Variants in CTNNA2 observed in about 807,000 individuals in gnomAD.
CTNNA2 encodes the protein catenin alpha 2.
Under a neutral mutation model 101.0 loss-of-function variants are expected in CTNNA2, and 42 were observed. The observed-to-expected ratio is 0.42, with a 90% CI of 0.32 to 0.54. CTNNA2 has a LOEUF of 0.54. Ranked by LOEUF, CTNNA2 falls within the 20% of genes least tolerant of loss-of-function variation. The pLI, the probability that CTNNA2 is intolerant of heterozygous loss-of-function variation, is 0.14. For synonymous variants in CTNNA2, 450 were observed against 456.4 expected (o/e 0.99, Z 0.18); for missense variants, 871 against 1,223.1 (o/e 0.71, Z 4.29).
In CTNNA2 at chr2:80,555,890, AC is replaced by A; in HGVS notation, c.1739del (p.Thr580LysfsTer2). 1 of 1,543,276 alleles carries A rather than the reference AC, an allele frequency of 6.5e-7. No individual in the cohort carries two copies. Among genetic ancestry groups the A allele is most frequent in the Non-Finnish European group, 8.7e-7 (1 of 1,142,924 alleles). ...GGAAGCTACAAAATTGCTTTCTGAA[AC>A]AGGTAAGCATGGGTATTGGGTCTGG... ...VLEATKLLSETVMPRFAEQVE... is the reference protein window; with the variant it reads ...VLEATKLLSEXVMPRFAEQVE... On this transcript the variant is annotated frameshift_variant and splice_region_variant, in exon 12 of 19. Coordinates refer to ENST00000402739, the MANE Select transcript of CTNNA2 (RefSeq NM_001282597.3). LOFTEE classifies it high-confidence loss of function.
intron 7 of CTNNA2, among the ~76,000 whole-genome samples, chr2:80,353,236 TG>T (rs982646413): frequency 2.6e-5 from 4 of 151,966 alleles, no homozygotes; most frequent in Non-Finnish European, 1.5e-5. Flanking sequence ...AAGTAGGTAC[TG>T]GGGGTAGGGA....
chr2:79,413,285 A>C (rs762855199), intron 4 of CTNNA2, among the ~76,000 whole-genome samples: 63 of 152,060 alleles, frequency 4.1e-4, no homozygotes, highest in Non-Finnish European at 8.2e-4. Context: ...TTTAGAGTCT[A>C]TATACAGTGA....
intron 7 of CTNNA2, among the ~76,000 whole-genome samples, chr2:80,102,023 T>G (rs1558810170): frequency 6.6e-6 from 1 of 152,168 alleles, no homozygotes; most frequent in Admixed American, 6.5e-5. Context: ...TGTGGTTATT[T>G]TATTCATTTC....
chr2:79,900,038 A>G (rs545042138), intron 6 of CTNNA2, among the ~76,000 whole-genome samples: 237 of 152,332 alleles, frequency 1.6e-3, no homozygotes, highest in African/African-American at 5.5e-3. Context: ...TTTGATTTAG[A>G]CACCTCGGTT....
intron 7 of CTNNA2, among the ~76,000 whole-genome samples, chr2:80,245,993 A>G (rs1405257493): frequency 6.6e-6 from 1 of 151,668 alleles, no homozygotes; most frequent in Non-Finnish European, 1.5e-5. Flanking sequence ...ACGGGGTGTC[A>G]CCGTGTTAGC....
intron 7 of CTNNA2, among the ~76,000 whole-genome samples, chr2:80,221,856 T>C (rs1708595763): frequency 6.6e-6 from 1 of 152,228 alleles, no homozygotes; most frequent in African/African-American, 2.4e-5. Flanking sequence ...AGGATGCTTT[T>C]TATAGGTTTT....
chr2:79,822,183 C>A (rs75649249), intron 3 of CTNNA2, among the ~76,000 whole-genome samples: 5 of 136,374 alleles, frequency 3.7e-5, no homozygotes, highest in Non-Finnish European at 7.6e-5. Flanking sequence ...TTGATTCCAA[C>A]GGTTTTTTTT....
Position 80,574,203 on chromosome 2 carries a change from A to G in CTNNA2, c.1782A>G (p.Glu594=), listed in dbSNP as rs1212644505. Residue 594 remains glutamate, a synonymous_variant, in exon 13 of 19, where the codon GAA becomes GAG. Transcript: ENST00000402739. The part of the protein sequence containing the change: ...RFAEQVEVAI[E]ALSANVPQPF... Reference sequence around the variant, plus strand: ...CTGAACAAGTAGAGGTTGCCATTGAAGCCCTGAGTGCCAACGTTCCTCAAC... The same window carrying G: ...CTGAACAAGTAGAGGTTGCCATTGAGGCCCTGAGTGCCAACGTTCCTCAAC... 1.2e-6 allele frequency: 2 copies of G among 1,613,494 alleles called. No individual in the cohort carries two copies. The highest frequency in any genetic ancestry group is 4.5e-5 in the East Asian group (2 of 44,872).
At chr2:79,237,397 A>G (rs760938820) in intron 2 of CTNNA2, among the ~76,000 whole-genome samples, 1 of 152,224 alleles carries the variant, frequency 6.6e-6, no homozygotes, top group Non-Finnish European at 1.5e-5. Flanking sequence ...AAGCACAGGC[A>G]GAATAGATTG....
At chr2:79,629,646 G>T (rs932654661) in intron 1 of CTNNA2, among the ~76,000 whole-genome samples, 1 of 152,156 alleles carries the variant, frequency 6.6e-6, no homozygotes, top group Non-Finnish European at 1.5e-5. Context: ...AACACCAGAA[G>T]TAGGTGGGGT....
rs10650278 is a variant in CTNNA2, at chr2:80,277,553, G to GAAAAAAAAAAAAAAAAAAAAAAAAAA, written c.1057-115638_1057-115637insAAAAAAAAAAAAAAAAAAAAAAAAAA. On this transcript the variant is annotated intron_variant, in intron 7 of 18. Transcript: ENST00000402739. Reference sequence around the variant, plus strand: ...AGGAGAGACTCAGGGAAGGATTTCTGAAAAAAAAAAAAAAAAAAAATGGAC... The same window carrying GAAAAAAAAAAAAAAAAAAAAAAAAAA: ...AGGAGAGACTCAGGGAAGGATTTCTGAAAAAAAAAAAAAAAAAAAAAAAAAAAAAAAAAAAAAAAAAAAAAATGGAC... 3.6e-5 allele frequency among the ~76,000 whole-genome samples: 3 copies of GAAAAAAAAAAAAAAAAAAAAAAAAAA among 83,826 alleles called. 1 individual carries two copies. The highest frequency in any genetic ancestry group is 4.6e-5 in the African/African-American group (1 of 21,762). The allele number at this position is 83,826 out of a possible 152,430, so 55.0% of individuals were successfully genotyped here.
At chr2:79,589,213 G>T (rs1312293278) in intron 1 of CTNNA2, among the ~76,000 whole-genome samples, 1 of 152,170 alleles carries the variant, frequency 6.6e-6, no homozygotes, top group African/African-American at 2.4e-5. Context: ...CGTGCCACCA[G>T]CAGGCCAAGG....
chr2:80,533,359 T>A (rs889255875), intron 9 of CTNNA2, among the ~76,000 whole-genome samples: 4 of 152,180 alleles, frequency 2.6e-5, no homozygotes, highest in Non-Finnish European at 5.9e-5. Flanking sequence ...ATGTGGGACA[T>A]AAACTGGGGA....
intron 7 of CTNNA2, among the ~76,000 whole-genome samples, chr2:80,123,446 A>AG (rs1349874440): frequency 6.8e-6 from 1 of 146,692 alleles, no homozygotes; most frequent in Admixed American, 7.0e-5. Flanking sequence ...TTAGTGGTGC[A>AG]GAAAAAAAAA....
chr2:79,243,007 C>CACACAT (rs1553385627), intron 2 of CTNNA2, among the ~76,000 whole-genome samples: 27 of 142,780 alleles, frequency 1.9e-4, no homozygotes, highest in African/African-American at 5.5e-4. Flanking sequence ...CACACACACA[C>CACACAT]ACACACACAC....
At chr2:79,284,730 T>C (rs544240172) in intron 2 of CTNNA2, among the ~76,000 whole-genome samples, 1 of 151,072 alleles carries the variant, frequency 6.6e-6, no homozygotes, top group East Asian at 2.0e-4. Flanking sequence ...TCTTTTTTGG[T>C]TGTGTCTCTG....
chr2:80,004,672 C>CATTTATTT (rs59472149), intron 7 of CTNNA2, among the ~76,000 whole-genome samples: 2,615 of 145,634 alleles, frequency 0.018, 41 homozygotes, highest in African/African-American at 0.024. Flanking sequence ...TTTTATTTTA[C>CATTTATTT]ATTTATTTAT....
chr2:79,824,915 G>C (rs74781011), intron 3 of CTNNA2, among the ~76,000 whole-genome samples: 2,358 of 152,180 alleles, frequency 0.015, 78 homozygotes, highest in African/African-American at 0.054. Flanking sequence ...TTAGTGCCAG[G>C]CATAGTAGTT....
chr2:79,416,868 A>G (rs1272068788), intron 4 of CTNNA2, among the ~76,000 whole-genome samples: 4 of 152,100 alleles, frequency 2.6e-5, no homozygotes, highest in Admixed American at 1.3e-4. Flanking sequence ...CTTCTAACAC[A>G]TAACTTCTTA....
Sources: allele counts gnomAD v4.1 joint callset (sites outside exome capture counted in the v4.1 genomes callset), GRCh38; gene constraint gnomAD v4.1.1; transcripts MANE v1.5; gene names NCBI Gene and HGNC (gene_info 2026-07-23, HGNC 2026-07-21).